The following ZFPM1 variants were observed in gnomAD, a reference collection of about 807,000 sequenced individuals.
ZFPM1 encodes zinc finger protein ZFPM1.
In ZFPM1, 28 loss-of-function variants were observed where a neutral mutation model predicts 46.3. The ratio of observed to expected loss-of-function variants is 0.60; its 90% CI spans 0.45 to 0.83. The LOEUF is 0.83. Ranked by LOEUF, ZFPM1 falls within the 40% of genes least tolerant of loss-of-function variation. ZFPM1 has a pLI of 0.00. For synonymous variants in ZFPM1, 957 were observed against 675.9 expected (o/e 1.42, Z -6.45); for missense variants, 1,878 against 1,432.4 (o/e 1.31, Z -5.02).
chr16:88,523,207 A>G (rs56379675), intron 4 of ZFPM1, among the ~76,000 whole-genome samples: 3,954 of 107,776 alleles, frequency 0.037, 106 homozygotes, highest in East Asian at 0.21. Context: ...ACTTCATCTC[A>G]AAAAAAAAAA....
chr16:88,487,471 C>T (rs1194376647), intron 2 of ZFPM1, among the ~76,000 whole-genome samples: 2 of 152,182 alleles, frequency 1.3e-5, no homozygotes, highest in African/African-American at 4.8e-5. Flanking sequence ...TGGGGCTGCC[C>T]CTGACGGGCG....
In ZFPM1 at chr16:88,534,477, G is replaced by A. The variant is rs1402160978; in HGVS notation, c.2519G>A (p.Cys840Tyr). ...TACCTGGCGCACAAGAAGTACTCGT[G>A]CCCCGCTGCGCCACCGCCCGGCGCG... ...EAYLAHKKYS[C>Y]PAAPPPGALG... The change falls in exon 10 of 10, where the codon TGC (cysteine) becomes TAC (tyrosine). Residue 840 changes from cysteine (C) to tyrosine (Y), a missense_variant. Cys to Tyr is a radical substitution (Grantham distance 194). Coordinates refer to ENST00000319555, the MANE Select transcript of ZFPM1 (RefSeq NM_153813.3). The A allele has an allele frequency of 6.8e-7, 1 of 1,480,820 alleles. No individual in the cohort carries two copies. The highest frequency in any genetic ancestry group is 8.9e-7 in the Non-Finnish European group (1 of 1,121,876). The allele number at this position is 1,480,820 out of a possible 1,614,324, so 91.7% of individuals were successfully genotyped here. A position where few individuals can be genotyped will look rare whatever the true frequency, so the allele number is the denominator to read the frequency against.
chr16:88,523,252 C>A (rs1041352956), intron 4 of ZFPM1, among the ~76,000 whole-genome samples: 4 of 151,934 alleles, frequency 2.6e-5, no homozygotes, highest in Admixed American at 2.6e-4. Flanking sequence ...CTCCCCAGTG[C>A]CCACAGGCAG....
intron 3 of ZFPM1, among the ~76,000 whole-genome samples, chr16:88,493,053 CG>C (rs1182633041): frequency 2.0e-5 from 3 of 147,846 alleles, no homozygotes; most frequent in Non-Finnish European, 3.0e-5. Flanking sequence ...AGAGCTATCC[CG>C]GGGTGCGGAG....
intron 2 of ZFPM1, 41 bp from the exon 3 acceptor site, chr16:88,488,990 C>T (rs747881395): frequency 8.2e-6 from 13 of 1,591,538 alleles, no homozygotes; most frequent in Admixed American, 3.4e-5. Flanking sequence ...GCTCAGTGCC[C>T]GGCACTCAGC....
At position 88,497,831 on chromosome 16, in the gene ZFPM1, A is replaced by T. The variant is rs555662465; in HGVS notation, c.268+8678A>T. ...AGTGTGTGAGGGCGTCGGGCTGGTT[A>T]TCTGGGCCGAGCTCCATCTGACTAA... On this transcript the variant is annotated intron_variant, in intron 3 of 9. Coordinates refer to ENST00000319555, the MANE Select transcript of ZFPM1 (RefSeq NM_153813.3). The surrounding 1 kb of genome is among the most constrained non-coding windows in gnomAD (Gnocchi z 5.4). Among the ~76,000 whole-genome samples the T allele has an allele frequency of 6.6e-6, 1 of 152,214 alleles. No individual in the cohort carries two copies. Among genetic ancestry groups the T allele is most frequent in the African/African-American group, 2.4e-5 (1 of 41,536 alleles).
In ZFPM1 at chr16:88,505,816, G is replaced by A. The variant is rs920071373; in HGVS notation, c.269-8571G>A. Among the ~76,000 whole-genome samples, 3 of 152,264 alleles carry A rather than the reference G, an allele frequency of 2.0e-5. No homozygotes were observed. The East Asian group carries it at 5.8e-4, about 29-fold the overall frequency. On this transcript the variant is annotated intron_variant, in intron 3 of 9. Coordinates refer to ENST00000319555, the MANE Select transcript of ZFPM1 (RefSeq NM_153813.3). The stretch of plus-strand genomic sequence containing the variant: ...GGTGCTTGGAGGATGGGCACATAGG[G>A]CACGAGGCCCACCTCTAGCAGAGAG...
At position 88,478,063 on chromosome 16, in the gene ZFPM1, C is replaced by T. The variant is rs1469105789; in HGVS notation, c.41-7876C>T. 4.6e-5 allele frequency among the ~76,000 whole-genome samples: 7 copies of T among 152,216 alleles called. No homozygotes were observed. The East Asian group carries it at 5.8e-4, about 13-fold the overall frequency. ...CAGGGTGTGTGGGAGCTCTGTCTGT[C>T]TGCCTCTTGGTGGAGCCGCTCAACC... is the stretch of plus-strand genomic sequence containing the variant. On this transcript the variant is annotated intron_variant, in intron 1 of 9. Transcript: ENST00000319555.
chr16:88,527,985 G>C (rs1246136246), intron 5 of ZFPM1, 47 bp from the exon 6 acceptor site: 1 of 1,485,352 alleles, frequency 6.7e-7, no homozygotes, highest in East Asian at 2.5e-5. Flanking sequence ...GACGGGACAG[G>C]GAAGTGGGGC....
Position 88,515,565 on chromosome 16 carries a change from G to C in ZFPM1, c.402+1045G>C, listed in dbSNP as rs533415205. Reference sequence around the variant, plus strand: ...GTGCAGGGAAGCCCAGGGCACCCCTGTCTGCCAGGGCAGCTGGGCGGGTCA... The same window carrying C: ...GTGCAGGGAAGCCCAGGGCACCCCTCTCTGCCAGGGCAGCTGGGCGGGTCA... On this transcript the variant is annotated intron_variant, in intron 4 of 9. Coordinates refer to ENST00000319555, the MANE Select transcript of ZFPM1 (RefSeq NM_153813.3). Among the ~76,000 whole-genome samples the C allele has an allele frequency of 2.7e-3, 413 of 152,308 alleles. 1 individual carries two copies. Among genetic ancestry groups the C allele is most frequent in the African/African-American group, 9.2e-3 (384 of 41,584 alleles).
chr16:88,475,920 C>T (rs1307535820), intron 1 of ZFPM1, among the ~76,000 whole-genome samples: 2 of 152,102 alleles, frequency 1.3e-5, no homozygotes, highest in African/African-American at 4.8e-5. Flanking sequence ...TGGCTGTGGG[C>T]CCAGGGCAGT....
chr16:88,535,190 C>G lies in ZFPM1; in HGVS notation c.*211C>G, dbSNP rs1913194436. 2 of 494,934 alleles carry G rather than the reference C, an allele frequency of 4.0e-6. No individual in the cohort carries two copies. Among genetic ancestry groups the G allele is most frequent in the South Asian group, 6.8e-5 (1 of 14,626 alleles). 30.7% of individuals were successfully genotyped at this position (494,934 alleles called of 1,614,324 possible). ...CATGGTGGTGGGCCAGCCTAGTTCTCTGAGCCAGCAGGCACACGCAGCCAG... is the reference window on the plus strand; with the variant it reads ...CATGGTGGTGGGCCAGCCTAGTTCTGTGAGCCAGCAGGCACACGCAGCCAG... On this transcript the variant is annotated 3_prime_UTR_variant, in exon 10 of 10. Coordinates refer to ENST00000319555, the MANE Select transcript of ZFPM1 (RefSeq NM_153813.3).
At chr16:88,502,053 C>G (rs1032430144) in intron 3 of ZFPM1, among the ~76,000 whole-genome samples, 7 of 46,332 alleles carry the variant, frequency 1.5e-4, no homozygotes, top group African/African-American at 6.0e-4. Context: ...CGCGGCTCCA[C>G]CCGCCCCCCC....
chr16:88,532,775 GC>G lies in ZFPM1; in HGVS notation c.1043-12del. 1 of 1,613,050 alleles carries G rather than the reference GC, an allele frequency of 6.2e-7. No individual in the cohort carries two copies. Among genetic ancestry groups the G allele is most frequent in the Non-Finnish European group, 8.5e-7 (1 of 1,179,884 alleles). ...CCCCGCCCTGGGCCTTGACCACCTCGCCATGGCCCACAGGTGTCTGCCACAG... is the reference window on the plus strand; with the variant it reads ...CCCCGCCCTGGGCCTTGACCACCTCGCATGGCCCACAGGTGTCTGCCACAG... On this transcript the variant is annotated splice_polypyrimidine_tract_variant and intron_variant, in intron 8 of 9. Coordinates refer to ENST00000319555, the MANE Select transcript of ZFPM1 (RefSeq NM_153813.3).
At chr16:88,478,463 C>T (rs1172031271) in intron 1 of ZFPM1, among the ~76,000 whole-genome samples, 3 of 152,378 alleles carry the variant, frequency 2.0e-5, no homozygotes, top group Middle Eastern at 3.4e-3. Flanking sequence ...TCTACACAGC[C>T]GTTCCTGTGT....
intron 3 of ZFPM1, among the ~76,000 whole-genome samples, chr16:88,500,820 C>T (rs749538171): frequency 2.6e-5 from 4 of 152,244 alleles, no homozygotes; most frequent in Non-Finnish European, 5.9e-5. Flanking sequence ...AGCAAGTCTG[C>T]GTGGTCAGCT....
rs1400604162 is a variant in ZFPM1, at chr16:88,467,162, A to G, written c.40+13484A>G. On this transcript the variant is annotated intron_variant, in intron 1 of 9. Transcript: ENST00000319555. ...GGCCTCGTCCCATCACACAGCGGCCAGAGTGGCTCCAGAACATTTGTCCCT... is the reference window on the plus strand; with the variant it reads ...GGCCTCGTCCCATCACACAGCGGCCGGAGTGGCTCCAGAACATTTGTCCCT... Among the ~76,000 whole-genome samples, 6 of 152,284 alleles carry G rather than the reference A, an allele frequency of 3.9e-5. No individual in the cohort carries two copies. In the East Asian group the frequency reaches 5.8e-4, roughly 15 times the overall value.
intron 3 of ZFPM1, among the ~76,000 whole-genome samples, chr16:88,505,026 T>G (rs927329338): frequency 1.3e-5 from 2 of 152,184 alleles, no homozygotes; most frequent in Admixed American, 1.3e-4. Context: ...CCGATAAAGA[T>G]GGGCTGTTGT....
chr16:88,533,764 C>A lies in ZFPM1; in HGVS notation c.1806C>A (p.Gly602=), dbSNP rs775446045. 4.9e-6 allele frequency: 7 copies of A among 1,432,836 alleles called. No individual in the cohort carries two copies. The highest frequency in any genetic ancestry group is 6.5e-6 in the Non-Finnish European group (7 of 1,084,700). The allele number at this position is 1,432,836 out of a possible 1,614,324, so 88.8% of individuals were successfully genotyped here. A position where few individuals can be genotyped will look rare whatever the true frequency, so the allele number is the denominator to read the frequency against. Residue 602 remains glycine, a synonymous_variant, in exon 10 of 10, where the codon GGC becomes GGA. Coordinates refer to ENST00000319555, the MANE Select transcript of ZFPM1 (RefSeq NM_153813.3). ...YYVHKRLYCS[G]RRAPEDAPAA... ...TGCACAAGCGCCTCTACTGTTCAGG[C>A]CGCCGTGCGCCCGAGGACGCGCCTG...
Sources: gnomAD v4.1 joint callset for allele counts (sites outside exome capture counted in the v4.1 genomes callset) on GRCh38, gnomAD v4.1.1 for gene constraint, Gnocchi (gnomAD v3.1) non-coding constraint, MANE v1.5 for transcripts, NCBI Gene and HGNC (gene_info 2026-07-23, HGNC 2026-07-21) for gene names.